CCBE1: variants seen among roughly 807,000 people sequenced by gnomAD.
CCBE1 encodes collagen and calcium binding EGF domains 1.
A neutral mutation model predicts 50.0 loss-of-function variants in CCBE1; 37 were observed. The ratio of observed to expected loss-of-function variants is 0.74; its 90% CI spans 0.57 to 0.97. The LOEUF (loss-of-function observed/expected upper bound fraction) is 0.97, where lower values mean the gene tolerates loss of function less well. Among genes scored for constraint, CCBE1 ranks in the 50% least tolerant of loss-of-function variants. The pLI is 0.00. For synonymous variants in CCBE1, 234 were observed against 203.7 expected (o/e 1.15, Z -1.27); for missense variants, 538 against 523.8 (o/e 1.03, Z -0.26).
chr18:59,657,306 G>C (rs2054203700), intron 2 of CCBE1, among the ~76,000 whole-genome samples: 3 of 152,172 alleles, frequency 2.0e-5, no homozygotes, highest in African/African-American at 7.2e-5. Context: ...AGTGTGAAAG[G>C]CTGAACAGCC....
intron 4 of CCBE1, 89 bp downstream of exon 4, chr18:59,469,384 G>C (rs887828338): frequency 1.8e-5 from 28 of 1,539,180 alleles, no homozygotes; most frequent in Non-Finnish European, 2.4e-5. Flanking sequence ...CATCCAACAA[G>C]TATGAGAACT....
chr18:59,439,068 C>G (rs149796919), intron 9 of CCBE1, among the ~76,000 whole-genome samples: 38 of 152,168 alleles, frequency 2.5e-4, no homozygotes, highest in South Asian at 6.2e-4. Flanking sequence ...GGGCGGATCA[C>G]GAAGTCAGGA....
At chr18:59,476,340 G>C (rs1912305615) in intron 3 of CCBE1, among the ~76,000 whole-genome samples, 1 of 152,182 alleles carries the variant, frequency 6.6e-6, no homozygotes, top group Non-Finnish European at 1.5e-5. Flanking sequence ...GTCCCCTTGA[G>C]AAACCAGTAC....
At chr18:59,506,414 G>A (rs1245857278) in intron 2 of CCBE1, among the ~76,000 whole-genome samples, 1 of 152,124 alleles carries the variant, frequency 6.6e-6, no homozygotes, top group Admixed American at 6.5e-5. Flanking sequence ...CTCAGTTTGT[G>A]GCCATTTGTT....
At chr18:59,645,680 A>G (rs114105311) in intron 2 of CCBE1, among the ~76,000 whole-genome samples, 2,836 of 152,290 alleles carry the variant, frequency 0.019, 53 homozygotes, top group Middle Eastern at 0.058. Context: ...TTCTAAGGAA[A>G]CTGTAGGTTT....
intron 5 of CCBE1, among the ~76,000 whole-genome samples, chr18:59,460,328 C>T (rs1911401240): frequency 6.6e-6 from 1 of 152,080 alleles, no homozygotes; most frequent in African/African-American, 2.4e-5. Context: ...ATTAGATATG[C>T]AAAGTTAAAA....
At chr18:59,561,492 C>T (rs115402342) in intron 2 of CCBE1, among the ~76,000 whole-genome samples, 5 of 152,182 alleles carry the variant, frequency 3.3e-5, no homozygotes, top group African/African-American at 4.8e-5. Context: ...AGAGTGCAGG[C>T]GTGTAACTCC....
At chr18:59,676,859 G>C (rs1268611450) in intron 2 of CCBE1, among the ~76,000 whole-genome samples, 1 of 152,218 alleles carries the variant, frequency 6.6e-6, no homozygotes, top group Non-Finnish European at 1.5e-5. Context: ...TAGGATTTAA[G>C]TGGGGGGAAG....
chr18:59,498,350 A>T (rs1365736513), intron 2 of CCBE1, among the ~76,000 whole-genome samples: 1 of 152,244 alleles, frequency 6.6e-6, no homozygotes, highest in Non-Finnish European at 1.5e-5. Context: ...GGTGTTAATC[A>T]GAGTTTCCGT....
At chr18:59,548,415 G>A (rs898813994) in intron 2 of CCBE1, among the ~76,000 whole-genome samples, 13 of 152,216 alleles carry the variant, frequency 8.5e-5, no homozygotes, top group African/African-American at 3.1e-4. Flanking sequence ...TATGAAGGAG[G>A]TGGGTTAGGG....
At chr18:59,687,061 A>G (rs1236566310) in intron 2 of CCBE1, among the ~76,000 whole-genome samples, 1 of 152,196 alleles carries the variant, frequency 6.6e-6, no homozygotes, top group East Asian at 1.9e-4. Flanking sequence ...CAGCTCTACC[A>G]TGCAATTTCA....
At chr18:59,615,182 C>T (rs915476814) in intron 2 of CCBE1, among the ~76,000 whole-genome samples, 1 of 152,220 alleles carries the variant, frequency 6.6e-6, no homozygotes. Flanking sequence ...TCTTCCACTC[C>T]GTGGAAGTGA....
intron 2 of CCBE1, among the ~76,000 whole-genome samples, chr18:59,487,695 T>C (rs1055442694): frequency 1.3e-5 from 2 of 152,198 alleles, no homozygotes; most frequent in Admixed American, 6.5e-5. Flanking sequence ...TCTGTGGCAG[T>C]ATTAAGAGAA....
chr18:59,615,019 C>T (rs563180273), intron 2 of CCBE1, among the ~76,000 whole-genome samples: 2 of 152,348 alleles, frequency 1.3e-5, no homozygotes, highest in Admixed American at 1.3e-4. Flanking sequence ...CCACTTAATA[C>T]ATCCAATGAC....
chr18:59,570,316 GAC>G (rs1221603133), intron 2 of CCBE1, among the ~76,000 whole-genome samples: 1 of 152,118 alleles, frequency 6.6e-6, no homozygotes, highest in African/African-American at 2.4e-5. Flanking sequence ...ACACAAAAGA[GAC>G]ACAAAACGTT....
At chr18:59,535,690 A>T (rs1915219556) in intron 2 of CCBE1, among the ~76,000 whole-genome samples, 1 of 152,284 alleles carries the variant, frequency 6.6e-6, no homozygotes, top group Admixed American at 6.5e-5. Flanking sequence ...GAGAAATATT[A>T]CATGTATTAA....
In CCBE1 at chr18:59,454,936, TCA is replaced by T; in HGVS notation, c.567_568del (p.Asn191HisfsTer37). 8 of 1,614,044 alleles carry T rather than the reference TCA, an allele frequency of 5.0e-6. No homozygotes were observed. Among genetic ancestry groups the T allele is most frequent in the Non-Finnish European group, 6.8e-6 (8 of 1,179,972 alleles). On this transcript the variant is annotated frameshift_variant, in exon 6 of 11. Coordinates refer to ENST00000439986, the MANE Select transcript of CCBE1 (RefSeq NM_133459.4). LOFTEE classifies it high-confidence loss of function. ...GCAAGTTCCGGCTTTCACCATGTTC[TCA>T]GACTTCTCATGGCCTGAGAAAGGAG...
intron 2 of CCBE1, among the ~76,000 whole-genome samples, chr18:59,511,452 C>T (rs1243596254): frequency 6.6e-6 from 1 of 152,232 alleles, no homozygotes; most frequent in East Asian, 1.9e-4. Context: ...GATCCATTTA[C>T]AGTTGGGCTG....
chr18:59,654,028 C>T (rs2054157060), intron 2 of CCBE1, among the ~76,000 whole-genome samples: 1 of 152,128 alleles, frequency 6.6e-6, no homozygotes, highest in South Asian at 2.1e-4. Flanking sequence ...AAAGAAGCAT[C>T]ATTCAATGTT....
Sources: allele counts gnomAD v4.1 joint callset (sites outside exome capture counted in the v4.1 genomes callset), GRCh38; gene constraint gnomAD v4.1.1; transcripts MANE v1.5; gene names NCBI Gene and HGNC (gene_info 2026-07-23, HGNC 2026-07-21).